Variants in NBAS observed in about 807,000 individuals in gnomAD.
NBAS encodes NAG/BC035112 fusion.
A neutral mutation model predicts 302.5 loss-of-function variants in NBAS; 219 were observed. The observed-to-expected ratio is 0.72, with a 90% CI of 0.65 to 0.81. NBAS has a LOEUF of 0.81. Ranked by LOEUF, NBAS falls within the 30% of genes least tolerant of loss-of-function variation. NBAS has a pLI of 0.00. For missense variants in NBAS, 2,932 were observed against 2,841.6 expected, an observed-to-expected ratio of 1.03 and a Z score of -0.72; for synonymous variants, 1,118 against 1,021.6, an observed-to-expected ratio of 1.09 and a Z score of -1.80.
the NBAS span, among the ~76,000 whole-genome samples, chr2:15,098,535 T>TATATTGTATATATGTTATATATTAC: frequency 1.6e-5 from 2 of 125,010 alleles, no homozygotes; most frequent in African/African-American, 3.1e-5. Flanking sequence ...TTATATATTA[T>TATATTGTATATATGTTATATATTAC]GTATTGTATA....
intron 12 of NBAS, among the ~76,000 whole-genome samples, chr2:15,480,366 T>C (rs1264383313): frequency 6.9e-6 from 1 of 145,286 alleles, no homozygotes; most frequent in Non-Finnish European, 1.5e-5. Context: ...AAATAAATGC[T>C]GAGACAAAAG....
the NBAS span, among the ~76,000 whole-genome samples, chr2:15,028,749 A>G: frequency 6.6e-6 from 1 of 152,318 alleles, no homozygotes; most frequent in African/African-American, 2.4e-5. Context: ...CCTTCCTGAC[A>G]TTCCAGTATC....
chr2:15,416,908 T>C (rs1166383552), intron 24 of NBAS, among the ~76,000 whole-genome samples: 2 of 151,692 alleles, frequency 1.3e-5, no homozygotes, highest in Non-Finnish European at 2.9e-5. Context: ...GAACCTATCA[T>C]GCAGTTGTGA....
intron 9 of NBAS, among the ~76,000 whole-genome samples, chr2:15,533,569 A>T (rs1012558583): frequency 6.6e-6 from 1 of 152,138 alleles, no homozygotes; most frequent in Non-Finnish European, 1.5e-5. Flanking sequence ...GAGTGATAAA[A>T]CTATAAAGAA....
At chr2:14,828,594 T>C in the NBAS span, among the ~76,000 whole-genome samples, 1 of 152,178 alleles carries the variant, frequency 6.6e-6, no homozygotes. Context: ...CAAAGATCAC[T>C]TTAATGACTG....
chr2:15,087,036 C>A, the NBAS span, among the ~76,000 whole-genome samples: 1 of 151,376 alleles, frequency 6.6e-6, no homozygotes, highest in South Asian at 2.1e-4. Flanking sequence ...TGACAGCCTT[C>A]AAACTGGAAC....
chr2:15,083,760 T>A, the NBAS span, among the ~76,000 whole-genome samples: 1 of 152,200 alleles, frequency 6.6e-6, no homozygotes, highest in Admixed American at 6.5e-5. Flanking sequence ...CTGACCAGCC[T>A]GTGTAACAAG....
intron 48 of NBAS, among the ~76,000 whole-genome samples, chr2:15,193,603 C>T (rs1286354729): frequency 2.0e-5 from 3 of 151,768 alleles, no homozygotes; most frequent in African/African-American, 4.8e-5. Flanking sequence ...GCAATAAATT[C>T]TGGTGAATTT....
intron 19 of NBAS, among the ~76,000 whole-genome samples, 181 bp from the exon 20 acceptor site, chr2:15,461,972 G>C (rs1322993856): frequency 6.6e-6 from 1 of 152,108 alleles, no homozygotes; most frequent in Non-Finnish European, 1.5e-5. Context: ...ATTTTGGAAA[G>C]GGCTATATTA....
chr2:15,096,601 G>A, the NBAS span, among the ~76,000 whole-genome samples: 3 of 152,106 alleles, frequency 2.0e-5, no homozygotes, highest in Non-Finnish European at 4.4e-5. Flanking sequence ...ATGCAGTCTC[G>A]GACAAATGGG....
At chr2:15,408,947 G>A (rs1676552954) in intron 25 of NBAS, among the ~76,000 whole-genome samples, 2 of 152,152 alleles carry the variant, frequency 1.3e-5, no homozygotes, top group African/African-American at 2.4e-5. Flanking sequence ...TGAGCTGGGA[G>A]GACTGCTTGA....
intron 21 of NBAS, among the ~76,000 whole-genome samples, chr2:15,440,351 G>A (rs537290093): frequency 3.9e-4 from 59 of 152,282 alleles, no homozygotes; most frequent in Non-Finnish European, 5.1e-4. Context: ...CGCGGTTCAC[G>A]AAAAACCGCT....
At chr2:14,916,485 G>T in the NBAS span, among the ~76,000 whole-genome samples, 1 of 152,016 alleles carries the variant, frequency 6.6e-6, no homozygotes, top group Non-Finnish European at 1.5e-5. Flanking sequence ...AGAGCTACTT[G>T]TCAGTACCAA....
chr2:14,807,911 T>C, the NBAS span, among the ~76,000 whole-genome samples: 11 of 152,174 alleles, frequency 7.2e-5, no homozygotes, highest in Non-Finnish European at 1.6e-4. Flanking sequence ...TATCCCTCTC[T>C]GTCTCTCTCT....
the NBAS span, among the ~76,000 whole-genome samples, chr2:15,152,313 G>A: frequency 2.0e-5 from 3 of 152,210 alleles, no homozygotes; most frequent in African/African-American, 7.2e-5. Context: ...CAAGATTTTG[G>A]TCAATCTCTC....
chr2:15,165,380 G>A (rs942719901), downstream of NBAS, among the ~76,000 whole-genome samples: 1 of 152,208 alleles, frequency 6.6e-6, no homozygotes, highest in Non-Finnish European at 1.5e-5. Context: ...TATGCTAGAG[G>A]CTTGTGCAGG....
intron 35 of NBAS, among the ~76,000 whole-genome samples, chr2:15,339,079 C>T (rs1672730815): frequency 6.6e-6 from 1 of 152,100 alleles, no homozygotes; most frequent in Admixed American, 6.5e-5. Context: ...CCAAACCCTT[C>T]TTGGATGTCC....
the NBAS span, among the ~76,000 whole-genome samples, chr2:15,039,183 C>T: frequency 5.3e-5 from 8 of 152,142 alleles, no homozygotes; most frequent in African/African-American, 1.9e-4. Flanking sequence ...AACAATGACA[C>T]CAATTTCCTG....
At chr2:14,833,462 G>A in the NBAS span, among the ~76,000 whole-genome samples, 1 of 152,054 alleles carries the variant, frequency 6.6e-6, no homozygotes, top group African/African-American at 2.4e-5. Flanking sequence ...ACCTCATGCT[G>A]TTATAGTGAG....
Sources: allele counts gnomAD v4.1 joint callset (sites outside exome capture counted in the v4.1 genomes callset), GRCh38; gene constraint gnomAD v4.1.1; transcripts MANE v1.5; gene names NCBI Gene and HGNC (gene_info 2026-07-23, HGNC 2026-07-21).